NAALADL2: variants seen among roughly 807,000 people sequenced by gnomAD.
NAALADL2 encodes the protein N-acetylated alpha-linked acidic dipeptidase like 2, also known as inactive N-acetylated-alpha-linked acidic dipeptidase-like protein 2.
A neutral mutation model predicts 87.2 loss-of-function variants in NAALADL2; 76 were observed. That is an observed-to-expected ratio of 0.87 (90% CI 0.72 to 1.05). NAALADL2 has a LOEUF of 1.05. Among genes scored for constraint, NAALADL2 ranks in the 50% least tolerant of loss-of-function variants. The pLI is 0.00. For missense variants in NAALADL2, 1,089 were observed against 945.8 expected, an observed-to-expected ratio of 1.15 and a Z score of -1.99; for synonymous variants, 354 against 331.0, an observed-to-expected ratio of 1.07 and a Z score of -0.75.
chr3:174,698,870 G>GAAAAAAAAAAAAAAAAA lies in NAALADL2; in HGVS notation c.-114-38758_-114-38757insAAAAAAAAAAAAAAAAA, dbSNP rs1008476334. Reference sequence around the variant, plus strand: ...CAGAGCGAGACTCCGTCTCAAAGAAGAAAAAAAAAAAAATTCTATTTAGAA... The same window carrying GAAAAAAAAAAAAAAAAA: ...CAGAGCGAGACTCCGTCTCAAAGAAGAAAAAAAAAAAAAAAAAAAAAAAAAAAAAATTCTATTTAGAA... On this transcript the variant is annotated intron_variant, in intron 2 of 3. Coordinates refer to the NAALADL2 transcript ENST00000434257. 1.3e-4 allele frequency among the ~76,000 whole-genome samples: 11 copies of GAAAAAAAAAAAAAAAAA among 83,022 alleles called. 2 individuals carry two copies. The highest frequency in any genetic ancestry group is 8.4e-4 in the African/African-American group (10 of 11,946). 54.5% of individuals were successfully genotyped at this position (83,022 alleles called of 152,430 possible).
chr3:175,057,368 C>A (rs568601385), intron 1 of NAALADL2, among the ~76,000 whole-genome samples: 15 of 152,262 alleles, frequency 9.9e-5, no homozygotes, highest in African/African-American at 3.6e-4. Context: ...TTGATGTATT[C>A]TTAGAGCTCA....
intron 9 of NAALADL2, among the ~76,000 whole-genome samples, chr3:175,519,549 C>T (rs1455924668): frequency 6.6e-6 from 1 of 152,050 alleles, no homozygotes; most frequent in Admixed American, 6.6e-5. Context: ...GACTTGAACA[C>T]ATAAAACAAT....
At chr3:175,428,232 T>A (rs1473830192) in intron 5 of NAALADL2, among the ~76,000 whole-genome samples, 5 of 152,132 alleles carry the variant, frequency 3.3e-5, no homozygotes, top group African/African-American at 1.2e-4. Flanking sequence ...TACAGTAGTG[T>A]TCACTACTGT....
intron 2 of NAALADL2, among the ~76,000 whole-genome samples, chr3:174,656,942 T>C (rs1009746922): frequency 2.0e-5 from 3 of 151,982 alleles, no homozygotes; most frequent in Admixed American, 2.0e-4. Context: ...TCAAACATCA[T>C]ATGCTTTCAT....
chr3:175,804,169 A>G lies in NAALADL2; in HGVS notation c.*966A>G, dbSNP rs537380802. The G allele has an allele frequency of 6.6e-6, 1 of 152,064 alleles. No individual in the cohort carries two copies. The highest frequency in any genetic ancestry group is 1.5e-5 in the Non-Finnish European group (1 of 67,868). 9.4% of individuals were successfully genotyped at this position (152,064 alleles called of 1,614,324 possible). A position where few individuals can be genotyped will look rare whatever the true frequency, so the allele number is the denominator to read the frequency against. Reference sequence around the variant, plus strand: ...CTTTGAAACCCAAAATGTCTTCTAAAGAATCAAATTTCTATTTCTGCCTCT... The same window carrying G: ...CTTTGAAACCCAAAATGTCTTCTAAGGAATCAAATTTCTATTTCTGCCTCT... On this transcript the variant is annotated 3_prime_UTR_variant, in exon 14 of 14. Transcript: ENST00000454872.
At chr3:174,856,751 A>T (rs956789769), upstream of NAALADL2, among the ~76,000 whole-genome samples, 1 of 152,182 alleles carries the variant, frequency 6.6e-6, no homozygotes, top group African/African-American at 2.4e-5. Context: ...GGTTTCCAAG[A>T]TCTACTGTAA....
intron 1 of NAALADL2, among the ~76,000 whole-genome samples, chr3:174,961,192 C>A (rs1299542980): frequency 1.3e-5 from 2 of 150,178 alleles, no homozygotes; most frequent in African/African-American, 4.9e-5. Flanking sequence ...CTATGTTGCC[C>A]AGACTGGTCT....
chr3:175,719,923 TTCTGTGGCCTCTTTTCTAAGGACACTAA>T (rs1741991330), intron 11 of NAALADL2, among the ~76,000 whole-genome samples: 1 of 152,162 alleles, frequency 6.6e-6, no homozygotes, highest in African/African-American at 2.4e-5. Flanking sequence ...GAAGCTAACT[TTCTGTGGCCTCTTTTCTAAGGACACTAA>T]TCCCAATCAT....
intron 2 of NAALADL2, among the ~76,000 whole-genome samples, chr3:174,610,796 C>G (rs572636731): frequency 6.6e-6 from 1 of 152,066 alleles, no homozygotes; most frequent in Non-Finnish European, 1.5e-5. Flanking sequence ...ACCATTTGAC[C>G]CAGCCATCCC....
At chr3:175,766,521 C>T (rs1748703839) in intron 13 of NAALADL2, among the ~76,000 whole-genome samples, 1 of 152,018 alleles carries the variant, frequency 6.6e-6, no homozygotes, top group Non-Finnish European at 1.5e-5. Context: ...AATTTACTTC[C>T]ATATTTTTAA....
intron 2 of NAALADL2, among the ~76,000 whole-genome samples, chr3:175,141,982 A>G (rs1730065388): frequency 1.3e-5 from 2 of 152,084 alleles, no homozygotes; most frequent in African/African-American, 4.8e-5. Context: ...TATAGCATCA[A>G]TGAAAAACAC....
intron 3 of NAALADL2, among the ~76,000 whole-genome samples, chr3:174,738,069 G>C (rs1239152735): frequency 6.6e-6 from 1 of 152,092 alleles, no homozygotes; most frequent in Admixed American, 6.6e-5. Flanking sequence ...ATAAGATTAA[G>C]TCGTGTTTTT....
At chr3:175,185,546 T>TTATAGATATGTGG (rs1468541013) in intron 2 of NAALADL2, among the ~76,000 whole-genome samples, 1 of 151,850 alleles carries the variant, frequency 6.6e-6, no homozygotes, top group Non-Finnish European at 1.5e-5. Context: ...AAGCAGTATT[T>TTATAGATATGTGG]TATAGATATG....
intron 3 of NAALADL2, among the ~76,000 whole-genome samples, chr3:174,773,765 C>T (rs1418325600): frequency 6.6e-6 from 1 of 152,044 alleles, no homozygotes. Flanking sequence ...TTGTTAAATT[C>T]TTTCCTTTGA....
chr3:175,611,579 G>A (rs4894724), intron 10 of NAALADL2, among the ~76,000 whole-genome samples: 19,334 of 152,088 alleles, frequency 0.13, 1,599 homozygotes, highest in Non-Finnish European at 0.18. Context: ...TGTTTGAAAA[G>A]TAGAACATCA....
At chr3:175,417,894 G>C (rs940459754) in intron 5 of NAALADL2, among the ~76,000 whole-genome samples, 43 of 152,038 alleles carry the variant, frequency 2.8e-4, no homozygotes, top group African/African-American at 1.0e-3. Context: ...CTTTCTTATG[G>C]GCTCCTGAGC....
intron 2 of NAALADL2, among the ~76,000 whole-genome samples, chr3:175,188,023 T>C (rs1281151596): frequency 1.3e-5 from 2 of 152,194 alleles, no homozygotes; most frequent in Non-Finnish European, 2.9e-5. Context: ...TGTTAGCCGT[T>C]GTGGATTATT....
chr3:175,152,341 A>G (rs1048373481), intron 2 of NAALADL2, among the ~76,000 whole-genome samples: 1 of 152,178 alleles, frequency 6.6e-6, no homozygotes, highest in Admixed American at 6.6e-5. Context: ...AACTTGTTTT[A>G]TAGTATGAAC....
intron 9 of NAALADL2, among the ~76,000 whole-genome samples, chr3:175,484,769 C>A (rs1039159341): frequency 1.3e-5 from 2 of 152,092 alleles, no homozygotes; most frequent in Admixed American, 6.6e-5. Context: ...AAATTAGCAA[C>A]CTTACCCAGG....
Sources: gnomAD v4.1 joint callset for allele counts (sites outside exome capture counted in the v4.1 genomes callset) on GRCh38, gnomAD v4.1.1 for gene constraint, MANE v1.5 for transcripts, NCBI Gene and HGNC (gene_info 2026-07-23, HGNC 2026-07-21) for gene names.